SHKBP1: variants seen among roughly 807,000 people sequenced by gnomAD.
SHKBP1 encodes SH3KBP1 binding protein 1, also known as SH3KBP1-binding protein 1.
SHKBP1 carries 71 observed loss-of-function variants against 83.9 expected under a neutral mutation model. That is an observed-to-expected ratio of 0.85 (90% CI 0.70 to 1.03). SHKBP1 has a LOEUF of 1.03. SHKBP1 is among the 50% of genes least tolerant of loss of function. The pLI, the probability that SHKBP1 is intolerant of heterozygous loss-of-function variation, is 0.00. For missense variants in SHKBP1, 824 were observed against 982.4 expected (o/e 0.84, Z 2.16); for synonymous variants, 371 against 398.0 (o/e 0.93, Z 0.81).
At position 40,590,767 on chromosome 19, in the gene SHKBP1, G is replaced by A; in HGVS notation, c.1806G>A (p.Leu602=). 1.9e-6 allele frequency: 3 copies of A among 1,602,886 alleles called. No individual in the cohort carries two copies. The highest frequency in any genetic ancestry group is 2.6e-6 in the Non-Finnish European group (3 of 1,171,152). The change falls in exon 17 of 18, where the codon CTG becomes CTA. Residue 602 remains leucine (L), a synonymous_variant. Transcript: ENST00000291842. This position sits in a 1 kb window ranked among gnomAD's most constrained non-coding sequence, Gnocchi z 4.6. The part of the protein sequence containing the change: ...GLTEQELMEQ[L]EHCELAPPAP... ...CGGAGCAAGAGCTGATGGAACAGCT[G>A]GAACACTGTGAGCTGGCCCCGCCGG... is the stretch of plus-strand genomic sequence containing the variant.
Position 40,591,198 on chromosome 19 carries a change from T to A in SHKBP1, c.2115T>A (p.Thr705=). 6.3e-7 allele frequency: 1 copy of A among 1,583,152 alleles called. No homozygotes were observed. The highest frequency in any genetic ancestry group is 1.7e-5 in the Admixed American group (1 of 58,916). ...LTPPKMKLNE[T]SF ...CTCCCAAGATGAAGCTCAATGAAAC[T>A]TCCTTTTGAACAACGCAGCTGCCAT... The change falls in exon 18 of 18, where the codon ACT becomes ACA. Residue 705 remains threonine (T), a synonymous_variant. Coordinates refer to ENST00000291842, the MANE Select transcript of SHKBP1 (RefSeq NM_138392.4).
chr19:40,583,286 C>A (rs1281403508), intron 10 of SHKBP1, 112 bp from the exon 11 acceptor site: 1 of 793,890 alleles, frequency 1.3e-6, no homozygotes, highest in African/African-American at 1.7e-5. Flanking sequence ...GGCTGGGGAG[C>A]AGTGGGTGGG....
At chr19:40,579,098 C>CATTT (rs57291083) in intron 6 of SHKBP1, among the ~76,000 whole-genome samples, 6,957 of 151,736 alleles carry the variant, frequency 0.046, 357 homozygotes, top group African/African-American at 0.13. Context: ...GAAAAACAAT[C>CATTT]ATTTATTTAT....
Position 40,583,120 on chromosome 19 carries a change from G to A in SHKBP1, c.961-278G>A, listed in dbSNP as rs551545295. The stretch of plus-strand genomic sequence containing the variant: ...GCCCAGGAGTTTGACGCCAGCCTGG[G>A]AAACATAATAAGACTCTGTCTCTAC... On this transcript the variant is annotated intron_variant, in intron 10 of 17. Transcript: ENST00000291842. Among the ~76,000 whole-genome samples the A allele has an allele frequency of 1.4e-3, 220 of 152,254 alleles. 1 individual carries two copies. Among genetic ancestry groups the A allele is most frequent in the African/African-American group, 5.0e-3 (207 of 41,544 alleles).
intron 14 of SHKBP1, 111 bp from the exon 15 acceptor site, chr19:40,588,971 A>G (rs2081334205): frequency 6.1e-6 from 8 of 1,318,794 alleles, no homozygotes; most frequent in Non-Finnish European, 8.5e-6. Context: ...CAACTCTAAC[A>G]ACCTGGGGAT....
rs2081225429 is a variant in SHKBP1, at chr19:40,577,384, C to T, written c.141-12C>T. ...CGGCCCGTGACGCCTGCTCGGTGTC[C>T]CTTCCCTGCAGTCTTCTGAGCGGAC... On this transcript the variant is annotated splice_polypyrimidine_tract_variant and intron_variant, in intron 2 of 17. Coordinates refer to ENST00000291842, the MANE Select transcript of SHKBP1 (RefSeq NM_138392.4). 2 of 1,613,932 alleles carry T rather than the reference C, an allele frequency of 1.2e-6. No individual in the cohort carries two copies. Among genetic ancestry groups the T allele is most frequent in the Non-Finnish European group, 1.7e-6 (2 of 1,180,006 alleles).
chr19:40,583,520 C>A (rs1314830068), intron 11 of SHKBP1, 35 bp downstream of exon 11: 1 of 1,611,374 alleles, frequency 6.2e-7, no homozygotes, highest in African/African-American at 1.3e-5. Flanking sequence ...TGCCCGAGAC[C>A]CTCCCCTGGG....
At chr19:40,578,424 T>C in intron 5 of SHKBP1, 38 bp from the exon 6 acceptor site, 1 of 1,609,102 alleles carries the variant, frequency 6.2e-7, no homozygotes, top group Non-Finnish European at 8.5e-7. Flanking sequence ...GGCCTCAGCA[T>C]CTCCCTAAGT....
At chr19:40,586,751 C>T in intron 12 of SHKBP1, 23 bp from the exon 13 acceptor site, 1 of 1,538,810 alleles carries the variant, frequency 6.5e-7, no homozygotes. Context: ...CAGGCCCTCT[C>T]CTCATCCTTG....
chr19:40,581,011 A>C, intron 9 of SHKBP1, 75 bp downstream of exon 9: 1 of 1,393,222 alleles, frequency 7.2e-7, no homozygotes, highest in South Asian at 1.5e-5. Context: ...CACCCCATAA[A>C]ATCCTCAAAC....
rs1172973871 is a variant in SHKBP1 at position 40,576,946 on chromosome 19, C to T, written c.47C>T (p.Pro16Leu). 6 of 1,500,332 alleles carry T rather than the reference C, an allele frequency of 4.0e-6. No homozygotes were observed. The highest frequency in any genetic ancestry group is 2.8e-5 in the African/African-American group (2 of 70,350). 92.9% of individuals were successfully genotyped at this position (1,500,332 alleles called of 1,614,324 possible). Residue 16 changes from proline to leucine, a missense_variant, in exon 1 of 18, where the codon CCT (proline) becomes CTT (leucine). Pro to Leu is a moderately conservative substitution (Grantham distance 98, BLOSUM62 -3). Transcript: ENST00000291842. ...GCCGAGGGGGTCCCCAGTCGGGGGC[C>T]TCCCGGGGAAGTCATTCATCTGAAT... ...TAAEGVPSRG[P>L]PGEVIHLNVG... is the part of the protein sequence containing the mutation.
chr19:40,588,334 G>A (rs918769807), intron 13 of SHKBP1, among the ~76,000 whole-genome samples: 3 of 152,210 alleles, frequency 2.0e-5, no homozygotes, highest in African/African-American at 7.2e-5. Context: ...ACAGGAGCAG[G>A]GACCTCTGGG....
chr19:40,577,198 C>T, intron 1 of SHKBP1, 33 bp from the exon 2 acceptor site: 1 of 1,611,678 alleles, frequency 6.2e-7, no homozygotes, highest in Non-Finnish European at 8.5e-7. Context: ...CGCTCCTCTT[C>T]ATCTCTTGCG....
Position 40,591,276 on chromosome 19 carries a change from G to T in SHKBP1, c.*69G>T. On this transcript the variant is annotated 3_prime_UTR_variant, in exon 18 of 18. Coordinates refer to ENST00000291842, the MANE Select transcript of SHKBP1 (RefSeq NM_138392.4). Reference sequence around the variant, plus strand: ...GGACTCAGGTGCCTCCCTGATTCCTGTGGGAACCCCGGGTTCAGGGCCAGG... The same window carrying T: ...GGACTCAGGTGCCTCCCTGATTCCTTTGGGAACCCCGGGTTCAGGGCCAGG... 2.9e-6 allele frequency: 4 copies of T among 1,389,624 alleles called. No homozygotes were observed. The highest frequency in any genetic ancestry group is 3.9e-6 in the Non-Finnish European group (4 of 1,030,654). 86.1% of individuals were successfully genotyped at this position (1,389,624 alleles called of 1,614,324 possible). A position where few individuals can be genotyped will look rare whatever the true frequency, so the allele number is the denominator to read the frequency against.
At chr19:40,588,300 G>T (rs1033700780) in intron 13 of SHKBP1, among the ~76,000 whole-genome samples, 1 of 152,174 alleles carries the variant, frequency 6.6e-6, no homozygotes, top group African/African-American at 2.4e-5. Flanking sequence ...CTGGCTGCCC[G>T]TGGGAGCACA....
chr19:40,581,311 G>T (rs147636736), intron 9 of SHKBP1, among the ~76,000 whole-genome samples: 2 of 152,174 alleles, frequency 1.3e-5, no homozygotes, highest in Non-Finnish European at 2.9e-5. Context: ...AGGAGTTCGA[G>T]ACCCCCTTGG....
intron 13 of SHKBP1, 23 bp downstream of exon 13, chr19:40,586,967 A>G: frequency 6.4e-7 from 1 of 1,569,826 alleles, no homozygotes; most frequent in Non-Finnish European, 8.7e-7. Flanking sequence ...GGGGTGCTCC[A>G]GTGCTGGGAG....
In SHKBP1 at chr19:40,582,458, C is replaced by A. The variant is rs746845391; in HGVS notation, c.952C>A (p.His318Asn). The change falls in exon 10 of 18, where the codon CAC becomes AAC. Residue 318 changes from histidine to asparagine, a missense_variant. Coordinates refer to ENST00000291842, the MANE Select transcript of SHKBP1 (RefSeq NM_138392.4). ...CGGGGTGTGGAATGCCGTCACCAAG[C>A]ACTGGCAGGTCAGAGTTCTGGCCAG... ...RIGVWNAVTK[H>N]WQVQEVQPIT... is the part of the protein sequence containing the mutation. 1 of 1,613,948 alleles carries A rather than the reference C, an allele frequency of 6.2e-7. No homozygotes were observed. Among genetic ancestry groups the A allele is most frequent in the Non-Finnish European group, 8.5e-7 (1 of 1,179,904 alleles).
chr19:40,584,724 C>T (rs568255861), intron 12 of SHKBP1, among the ~76,000 whole-genome samples: 244 of 152,220 alleles, frequency 1.6e-3, no homozygotes, highest in Non-Finnish European at 2.9e-3. Flanking sequence ...TGGGTTCAAG[C>T]GATTCTCATG....
Sources: allele counts gnomAD v4.1 joint callset (sites outside exome capture counted in the v4.1 genomes callset), GRCh38; gene constraint gnomAD v4.1.1; non-coding constraint Gnocchi (gnomAD v3.1); transcripts MANE v1.5; gene names NCBI Gene and HGNC (gene_info 2026-07-23, HGNC 2026-07-21).